NDST1: variants seen among roughly 807,000 people sequenced by gnomAD.
NDST1 encodes bifunctional heparan sulfate N-deacetylase/N-sulfotransferase 1.
Under a neutral mutation model 92.8 loss-of-function variants are expected in NDST1, and 35 were observed. The ratio of observed to expected loss-of-function variants is 0.38; its 90% CI spans 0.29 to 0.50. NDST1 has a LOEUF of 0.50. NDST1 is among the 20% of genes least tolerant of loss of function. The probability of loss-of-function intolerance (pLI) is 0.94; values close to 1 mark genes in which losing one functional copy is unlikely to be tolerated. For synonymous variants in NDST1, 493 were observed against 500.3 expected (o/e 0.99, Z 0.19); for missense variants, 822 against 1,182.7 (o/e 0.69, Z 4.47).
At position 150,553,998 on chromosome 5, in the gene NDST1, G is replaced by A. The variant is rs1342314399; in HGVS notation, c.*666G>A. The A allele has an allele frequency of 1.7e-5, 7 of 407,690 alleles. No individual in the cohort carries two copies. Among genetic ancestry groups the A allele is most frequent in the East Asian group, 1.0e-4 (3 of 28,754 alleles). The allele number at this position is 407,690 out of a possible 1,614,324, so 25.3% of individuals were successfully genotyped here. On this transcript the variant is annotated 3_prime_UTR_variant, in exon 15 of 15. Transcript: ENST00000261797. The surrounding 1 kb of genome is among the most constrained non-coding windows in gnomAD (Gnocchi z 4.2). Reference sequence around the variant, plus strand: ...GGCCTTGGGGCACTGCCTTGCCATCGGGCCCAGTTCTCCGGGCCCCACCTG... The same window carrying A: ...GGCCTTGGGGCACTGCCTTGCCATCAGGCCCAGTTCTCCGGGCCCCACCTG...
At chr5:150,526,231 A>C (rs186171282) in intron 2 of NDST1, among the ~76,000 whole-genome samples, 3 of 152,348 alleles carry the variant, frequency 2.0e-5, no homozygotes, top group Admixed American at 2.0e-4. Flanking sequence ...ACTGTTCCAC[A>C]AATATGAACC....
chr5:150,544,254 A>G (rs1179873126), intron 10 of NDST1, among the ~76,000 whole-genome samples: 1 of 152,232 alleles, frequency 6.6e-6, no homozygotes, highest in Non-Finnish European at 1.5e-5. Context: ...ATTCATTAAT[A>G]TGTCTGTAGC....
chr5:150,539,181 C>A, intron 6 of NDST1, 47 bp from the exon 7 acceptor site: 1 of 1,505,682 alleles, frequency 6.6e-7, no homozygotes, highest in Non-Finnish European at 9.2e-7. Context: ...TCCCACCACC[C>A]TCATGCCAGA....
At chr5:150,538,238 G>A (rs559581673) in intron 6 of NDST1, among the ~76,000 whole-genome samples, 1 of 152,330 alleles carries the variant, frequency 6.6e-6, no homozygotes, top group African/African-American at 2.4e-5. Flanking sequence ...CGGGGTGGGT[G>A]ATGGACCAGA....
In NDST1 at chr5:150,551,860, G is replaced by A. The variant is rs1755740418; in HGVS notation, c.2529+5G>A. 3.1e-6 allele frequency: 5 copies of A among 1,612,744 alleles called. No homozygotes were observed. The highest frequency in any genetic ancestry group is 4.2e-6 in the Non-Finnish European group (5 of 1,178,936). On this transcript the variant is annotated splice_donor_5th_base_variant and intron_variant, in intron 14 of 14. Transcript: ENST00000261797. Reference sequence around the variant, plus strand: ...TATCCCGAGATGGACTTGGATGTAAGTGGTGGACACACTACCTGTAGCACC... The same window carrying A: ...TATCCCGAGATGGACTTGGATGTAAATGGTGGACACACTACCTGTAGCACC...
In NDST1 at chr5:150,527,784, C is replaced by T. The variant is rs201971025; in HGVS notation, c.514-20C>T. 1.2e-6 allele frequency: 2 copies of T among 1,612,552 alleles called. No homozygotes were observed. Among genetic ancestry groups the T allele is most frequent in the South Asian group, 1.1e-5 (1 of 91,080 alleles). On this transcript the variant is annotated intron_variant, in intron 2 of 14. Transcript: ENST00000261797. Reference sequence around the variant, plus strand: ...GGATGTGACAGTTCTGTTCCCCTTCCTGCCCTCCATTGACTGCAGGCCAAT... The same window carrying T: ...GGATGTGACAGTTCTGTTCCCCTTCTTGCCCTCCATTGACTGCAGGCCAAT...
chr5:150,542,226 T>C (rs1456926699), intron 9 of NDST1, among the ~76,000 whole-genome samples: 4 of 152,164 alleles, frequency 2.6e-5, no homozygotes, highest in Non-Finnish European at 5.9e-5. Context: ...ACATATACTC[T>C]TAATTGCCAA....
At chr5:150,534,093 G>GA (rs1207293523) in intron 4 of NDST1, among the ~76,000 whole-genome samples, 4 of 146,840 alleles carry the variant, frequency 2.7e-5, no homozygotes, top group Non-Finnish European at 6.0e-5. Context: ...AAAACAAAAA[G>GA]AAAAAAAATT....
In NDST1 at chr5:150,521,292, A is replaced by C; in HGVS notation, c.38A>C (p.His13Pro). The C allele has an allele frequency of 1.2e-6, 2 of 1,612,314 alleles. No individual in the cohort carries two copies. The highest frequency in any genetic ancestry group is 1.7e-6 in the Non-Finnish European group (2 of 1,179,856). Residue 13 changes from histidine to proline, a missense_variant, in exon 2 of 15, where the codon CAC becomes CCC. His to Pro is a moderately conservative substitution (Grantham distance 77, BLOSUM62 -2). Transcript: ENST00000261797. This position sits in a 1 kb window ranked among gnomAD's most constrained non-coding sequence, Gnocchi z 5.9. ...GCATGCCTCCGGAGGCTGTGTCGGC[A>C]CGTGTCCCCGCAGGCTGTCCTTTTC... Reference protein sequence around the residue: ...ALACLRRLCRHVSPQAVLFLL... With the variant: ...ALACLRRLCRPVSPQAVLFLL...
chr5:150,550,860 A>G (rs1755691374), intron 13 of NDST1: 1 of 152,158 alleles, frequency 6.6e-6, no homozygotes, highest in Admixed American at 6.5e-5. Context: ...AAAGATAATA[A>G]TCCCTGCGTC....
At chr5:150,533,664 A>G (rs1021150983) in intron 4 of NDST1, among the ~76,000 whole-genome samples, 1 of 152,222 alleles carries the variant, frequency 6.6e-6, no homozygotes, top group African/African-American at 2.4e-5. Context: ...CCTCTCTTGA[A>G]TTCTAAGAAA....
At chr5:150,528,404 G>A in intron 3 of NDST1, 106 bp downstream of exon 3, 1 of 1,313,636 alleles carries the variant, frequency 7.6e-7, no homozygotes, top group South Asian at 1.5e-5. Context: ...CCCTATGCTG[G>A]GAGTTACTTA....
chr5:150,535,555 C>T, intron 5 of NDST1, 145 bp from the exon 6 acceptor site: 2 of 1,209,922 alleles, frequency 1.7e-6, no homozygotes, highest in Non-Finnish European at 2.4e-6. Context: ...TCCCAGGCCT[C>T]AGCTTCCCAT....
intron 3 of NDST1, among the ~76,000 whole-genome samples, chr5:150,531,571 G>A (rs924048915): frequency 6.7e-5 from 10 of 148,794 alleles, no homozygotes; most frequent in African/African-American, 2.5e-4. Context: ...CGTTATCTCG[G>A]CTCCTGCAAC....
At chr5:150,549,376 A>C (rs1374319805) in intron 12 of NDST1, among the ~76,000 whole-genome samples, 1 of 152,156 alleles carries the variant, frequency 6.6e-6, no homozygotes, top group Non-Finnish European at 1.5e-5. Flanking sequence ...AGTGACATGG[A>C]CTGGAAGCTC....
chr5:150,528,616 C>A (rs968879923), intron 3 of NDST1, among the ~76,000 whole-genome samples: 6 of 151,812 alleles, frequency 4.0e-5, no homozygotes, highest in Non-Finnish European at 8.8e-5. Flanking sequence ...CACAGCGAAA[C>A]CCCATCTCTA....
rs745500787 is a variant in NDST1 at position 150,521,587 on chromosome 5, C to T, written c.333C>T (p.Tyr111=). Reference sequence around the variant, plus strand: ...TCCTGGAGTCCAGCCGCTTCAAATACCGCACAGAGATTGCGCCGGGCAAGG... The same window carrying T: ...TCCTGGAGTCCAGCCGCTTCAAATATCGCACAGAGATTGCGCCGGGCAAGG... ...VAILESSRFK[Y]RTEIAPGKGD... is the part of the protein sequence containing the mutation. The change falls in exon 2 of 15, where the codon TAC becomes TAT. Residue 111 remains tyrosine (Y), a synonymous_variant. Coordinates refer to ENST00000261797, the MANE Select transcript of NDST1 (RefSeq NM_001543.5). The surrounding 1 kb of genome is among the most constrained non-coding windows in gnomAD (Gnocchi z 5.9). The T allele has an allele frequency of 1.2e-6, 2 of 1,614,074 alleles. No individual in the cohort carries two copies. Among genetic ancestry groups the T allele is most frequent in the Non-Finnish European group, 1.7e-6 (2 of 1,180,034 alleles).
intron 1 of NDST1, among the ~76,000 whole-genome samples, chr5:150,520,652 C>G (rs566265638): frequency 1.3e-5 from 2 of 152,214 alleles, no homozygotes; most frequent in East Asian, 3.8e-4. Context: ...CCTCCAACCC[C>G]TTATGAGATG....
chr5:150,505,346 C>A (rs2151241423), upstream of NDST1, among the ~76,000 whole-genome samples: 1 of 152,302 alleles, frequency 6.6e-6, no homozygotes, highest in East Asian at 1.9e-4. Context: ...GGCATTTCCC[C>A]AGCCCTGGTG....
Sources: gnomAD v4.1 joint callset for allele counts (sites outside exome capture counted in the v4.1 genomes callset) on GRCh38, gnomAD v4.1.1 for gene constraint, Gnocchi (gnomAD v3.1) non-coding constraint, MANE v1.5 for transcripts, NCBI Gene and HGNC (gene_info 2026-07-23, HGNC 2026-07-21) for gene names.